The following HEPHL1 variants were observed in gnomAD, a reference collection of about 807,000 sequenced individuals.
HEPHL1 encodes the protein ferroxidase HEPHL1.
A neutral mutation model predicts 122.0 loss-of-function variants in HEPHL1; 123 were observed. The observed-to-expected ratio is 1.01, with a 90% CI of 0.87 to 1.17. HEPHL1 has a LOEUF of 1.17. HEPHL1 is among the 50% of genes most tolerant of loss of function. HEPHL1 has a pLI of 0.00. For synonymous variants in HEPHL1, 527 were observed against 508.9 expected (o/e 1.04, Z -0.48); for missense variants, 1,452 against 1,430.5 (o/e 1.01, Z -0.24).
intron 2 of HEPHL1, among the ~76,000 whole-genome samples, chr11:94,056,990 T>C (rs1469243194): frequency 6.6e-6 from 1 of 152,116 alleles, no homozygotes; most frequent in Non-Finnish European, 1.5e-5. Context: ...ATCTAGAACA[T>C]CTTGCCTTTA....
chr11:94,036,160 G>A (rs1945720512), intron 1 of HEPHL1, among the ~76,000 whole-genome samples: 2 of 152,240 alleles, frequency 1.3e-5, no homozygotes, highest in African/African-American at 4.8e-5. Context: ...TACATGAGTA[G>A]AAACTTTATA....
chr11:94,096,416 GT>G (rs1946314452), intron 13 of HEPHL1, among the ~76,000 whole-genome samples: 1 of 152,112 alleles, frequency 6.6e-6, no homozygotes, highest in South Asian at 2.1e-4. Flanking sequence ...TGCTGGATTC[GT>G]TTGCCAGTAT....
At position 94,074,637 on chromosome 11, in the gene HEPHL1, A is replaced by G. The variant is rs187682407; in HGVS notation, c.1505-537A>G. On this transcript the variant is annotated intron_variant, in intron 8 of 19. Transcript: ENST00000315765. ...AGTACGGTGTAAGGGTTAAGTGCAC[A>G]GTCTTTGGAATCAGACAAAAACTGA... Among the ~76,000 whole-genome samples, 8 of 152,276 alleles carry G rather than the reference A, an allele frequency of 5.3e-5. No homozygotes were observed. The East Asian group carries it at 1.5e-3, about 29-fold the overall frequency.
In HEPHL1 at chr11:94,088,828, C is replaced by T; in HGVS notation, c.2154C>T (p.Ser718=). ...TGGGTCAGATCTATGAGGTCAGCAG[C>T]TGTGACAACAGGGACCCTTCTGAGC... is the stretch of plus-strand genomic sequence containing the variant. ...RGMGQIYEVS[S]CDNRDPSEQR... is the part of the protein sequence containing the mutation. Residue 718 remains serine, a synonymous_variant, in exon 12 of 20, where the codon AGC becomes AGT. Transcript: ENST00000315765. 6.2e-7 allele frequency: 1 copy of T among 1,614,020 alleles called. No individual in the cohort carries two copies. The highest frequency in any genetic ancestry group is 8.5e-7 in the Non-Finnish European group (1 of 1,179,884).
At chr11:94,103,477 G>T (rs1946385604) in intron 15 of HEPHL1, among the ~76,000 whole-genome samples, 1 of 152,032 alleles carries the variant, frequency 6.6e-6, no homozygotes, top group Non-Finnish European at 1.5e-5. Flanking sequence ...TGTGAAATCT[G>T]TTTATTTTAA....
At chr11:94,094,869 G>A (rs1235213061) in intron 13 of HEPHL1, among the ~76,000 whole-genome samples, 1 of 151,950 alleles carries the variant, frequency 6.6e-6, no homozygotes, top group Non-Finnish European at 1.5e-5. Flanking sequence ...AAATTTGTTT[G>A]AGTTCTTTGT....
chr11:94,077,728 C>T (rs940680367), intron 9 of HEPHL1, among the ~76,000 whole-genome samples: 2 of 152,190 alleles, frequency 1.3e-5, no homozygotes, highest in Admixed American at 6.5e-5. Context: ...TTTAGACATG[C>T]CCCAGCCTCT....
At chr11:94,047,052 A>G (rs1945846064) in intron 2 of HEPHL1, among the ~76,000 whole-genome samples, 1 of 152,202 alleles carries the variant, frequency 6.6e-6, no homozygotes, top group Non-Finnish European at 1.5e-5. Flanking sequence ...TCTGATGGTG[A>G]ACACACAACT....
intron 10 of HEPHL1, among the ~76,000 whole-genome samples, chr11:94,084,472 C>A (rs1481138516): frequency 6.6e-6 from 1 of 152,074 alleles, no homozygotes; most frequent in Non-Finnish European, 1.5e-5. Context: ...TAAGTTCTAG[C>A]TTCAGTCTTG....
rs757323955 is a variant in HEPHL1, at chr11:94,045,789, G to C, written c.287G>C (p.Trp96Ser). The part of the protein sequence containing the change: ...TYSIEIPKPP[W>S]LGFLGPILRA... ...TCCATAGAGATCCCCAAACCTCCCT[G>C]GCTTGGATTCCTGGGCCCCATCTTG... Residue 96 changes from tryptophan (W) to serine (S), a missense_variant, in exon 2 of 20, where the codon TGG becomes TCG. Transcript: ENST00000315765. 1.4e-5 allele frequency: 23 copies of C among 1,613,808 alleles called. No homozygotes were observed. Among genetic ancestry groups the C allele is most frequent in the Non-Finnish European group, 1.9e-5 (22 of 1,179,884 alleles).
chr11:94,047,901 T>A (rs1945854648), intron 2 of HEPHL1, among the ~76,000 whole-genome samples: 1 of 152,158 alleles, frequency 6.6e-6, no homozygotes, highest in Non-Finnish European at 1.5e-5. Flanking sequence ...ATTTTAACCA[T>A]TTTCAAGTGT....
At chr11:94,096,868 C>A (rs573590549) in intron 13 of HEPHL1, among the ~76,000 whole-genome samples, 1 of 152,066 alleles carries the variant, frequency 6.6e-6, no homozygotes, top group Admixed American at 6.5e-5. Context: ...GATGATATCC[C>A]CTTTATCATT....
Position 94,086,132 on chromosome 11 carries a change from T to C in HEPHL1, c.2023T>C (p.Ser675Pro), listed in dbSNP as rs781262950. The change falls in exon 11 of 20, where the codon TCC becomes CCC. Residue 675 changes from serine to proline, a missense_variant. Transcript: ENST00000315765. ...CCACCTACGAGGGACTCACCGAGAC[T>C]CCCTGGCCCTGTTTCCCCACATGGC... ...TIHLRGTHRD[S>P]LALFPHMATT... The C allele has an allele frequency of 1.1e-5, 18 of 1,613,196 alleles. No homozygotes were observed. Among genetic ancestry groups the C allele is most frequent in the African/African-American group, 2.7e-5 (2 of 74,854 alleles).
At chr11:94,086,972 A>G (rs1406498755) in intron 11 of HEPHL1, among the ~76,000 whole-genome samples, 1 of 152,204 alleles carries the variant, frequency 6.6e-6, no homozygotes, top group East Asian at 1.9e-4. Flanking sequence ...GCTGTTTACT[A>G]ATGGATGTTC....
intron 2 of HEPHL1, among the ~76,000 whole-genome samples, chr11:94,058,496 A>G (rs2134423776): frequency 6.6e-6 from 1 of 152,240 alleles, no homozygotes; most frequent in East Asian, 1.9e-4. Context: ...TGTTGCTTCC[A>G]AAATATCATC....
At position 94,089,022 on chromosome 11, in the gene HEPHL1, G is replaced by A. The variant is rs1400203799; in HGVS notation, c.2294+54G>A. Reference sequence around the variant, plus strand: ...TCGGTGGGATCGCGCATGCTCCGTAGGTCTTTAGTAAGTGTGGCTCCCTGC... The same window carrying A: ...TCGGTGGGATCGCGCATGCTCCGTAAGTCTTTAGTAAGTGTGGCTCCCTGC... On this transcript the variant is annotated intron_variant, in intron 12 of 19. Coordinates refer to ENST00000315765, the MANE Select transcript of HEPHL1 (RefSeq NM_001098672.2). 2.7e-6 allele frequency: 4 copies of A among 1,499,708 alleles called. No individual in the cohort carries two copies. The African/African-American group carries it at 5.5e-5, about 21-fold the overall frequency. The allele number at this position is 1,499,708 out of a possible 1,614,324, so 92.9% of individuals were successfully genotyped here. A position where few individuals can be genotyped will look rare whatever the true frequency, so the allele number is the denominator to read the frequency against.
intron 10 of HEPHL1, 78 bp downstream of exon 10, chr11:94,082,646 T>C: frequency 7.2e-7 from 1 of 1,380,682 alleles, no homozygotes; most frequent in Non-Finnish European, 9.8e-7. Flanking sequence ...GTGTTTGAAT[T>C]ATATTAATTT....
At chr11:94,078,884 G>A (rs1946147672) in intron 9 of HEPHL1, among the ~76,000 whole-genome samples, 1 of 152,098 alleles carries the variant, frequency 6.6e-6, no homozygotes, top group Non-Finnish European at 1.5e-5. Context: ...CCAGGATAAT[G>A]TGTGAGCAAA....
At position 94,070,394 on chromosome 11, in the gene HEPHL1, A is replaced by C. The variant is rs1405970533; in HGVS notation, c.1084A>C (p.Asn362His). ...TGCAGCTGGTATGCTGGGGCAATAC[A>C]ATGTTGATAACTGCAAAAGTGATAT... ...HLQAGMLGQY[N>H]VDNCKSDIFY... Residue 362 changes from asparagine (N) to histidine (H), a missense_variant, in exon 6 of 20, where the codon AAT (asparagine) becomes CAT (histidine). Transcript: ENST00000315765. The C allele has an allele frequency of 6.3e-7, 1 of 1,598,654 alleles. No individual in the cohort carries two copies. The highest frequency in any genetic ancestry group is 2.2e-5 in the East Asian group (1 of 44,466).
Sources: allele counts gnomAD v4.1 joint callset (sites outside exome capture counted in the v4.1 genomes callset), GRCh38; gene constraint gnomAD v4.1.1; transcripts MANE v1.5; gene names NCBI Gene and HGNC (gene_info 2026-07-23, HGNC 2026-07-21).